Variants in TRIM50 observed in about 807,000 individuals in gnomAD.
The protein encoded by TRIM50 is tripartite motif containing 50.
A neutral mutation model predicts 44.9 loss-of-function variants in TRIM50; 34 were observed. That is an observed-to-expected ratio of 0.76 (90% CI 0.58 to 1.01). The LOEUF is 1.01. Among genes scored for constraint, TRIM50 ranks in the 50% least tolerant of loss-of-function variants. The probability of loss-of-function intolerance (pLI) is 0.00; values close to 1 mark genes in which losing one functional copy is unlikely to be tolerated. For synonymous variants in TRIM50, 307 were observed against 291.1 expected, an observed-to-expected ratio of 1.05 and a Z score of -0.56; for missense variants, 633 against 663.7, an observed-to-expected ratio of 0.95 and a Z score of 0.51.
rs6980258 is a variant in TRIM50 at position 73,324,764 on chromosome 7, T to C, written c.24A>G (p.Pro8=). Reference sequence around the variant, plus strand: ...GACACTGAAGCCGGTCCTCCAGCTCTGGCAGGCTCACCTGCCAAGCCATCC... The same window carrying C: ...GACACTGAAGCCGGTCCTCCAGCTCCGGCAGGCTCACCTGCCAAGCCATCC... MAWQVSL[P]ELEDRLQCPI... Residue 8 remains proline, a synonymous_variant, in exon 2 of 7, where the codon CCA becomes CCG. Transcript: ENST00000333149. The C allele has an allele frequency of 1.1e-4, 175 of 1,613,988 alleles. 1 individual carries two copies. In the African/African-American group the frequency reaches 1.6e-3, roughly 15 times the overall value.
At chr7:73,319,293 T>C (rs1583780323) in intron 3 of TRIM50, among the ~76,000 whole-genome samples, 1 of 151,862 alleles carries the variant, frequency 6.6e-6, no homozygotes, top group South Asian at 2.1e-4. Flanking sequence ...TTTTGGCCTG[T>C]TTTAATTTTT....
intron 1 of TRIM50, chr7:73,325,328 G>A (rs1396197082): frequency 6.2e-6 from 1 of 161,224 alleles, no homozygotes; most frequent in Non-Finnish European, 1.4e-5. Flanking sequence ...ACTTATAGGT[G>A]ACACTCCCAG....
chr7:73,325,220 T>C (rs191169139), intron 1 of TRIM50, among the ~76,000 whole-genome samples: 1 of 152,220 alleles, frequency 6.6e-6, no homozygotes, highest in African/African-American at 2.4e-5. Context: ...TCCCAAACTT[T>C]CGGGAAACTG....
chr7:73,321,231 T>C (rs2115756452), intron 2 of TRIM50, among the ~76,000 whole-genome samples: 1 of 152,216 alleles, frequency 6.6e-6, no homozygotes, highest in Non-Finnish European at 1.5e-5. Context: ...AGGGTCTCAA[T>C]GTCACCCCTC....
chr7:73,321,717 C>T (rs1804501110), intron 2 of TRIM50, among the ~76,000 whole-genome samples: 1 of 152,206 alleles, frequency 6.6e-6, no homozygotes, highest in Non-Finnish European at 1.5e-5. Context: ...CGTGCCCAAG[C>T]ACCAGAGAGC....
rs1227188074 is a variant in TRIM50, at chr7:73,313,710, A to AT, written c.875-201_875-200insA. On this transcript the variant is annotated intron_variant, in intron 6 of 6. Transcript: ENST00000333149. This position sits in a 1 kb window ranked among gnomAD's most constrained non-coding sequence, Gnocchi z 4.9. The stretch of plus-strand genomic sequence containing the variant: ...AATGAATGAATGAATGAATGAATGA[A>AT]GTTTTACATAAGGAAGATCAATCAC... Among the ~76,000 whole-genome samples, 1 of 151,958 alleles carries AT rather than the reference A, an allele frequency of 6.6e-6. No individual in the cohort carries two copies. Among genetic ancestry groups the AT allele is most frequent in the African/African-American group, 2.4e-5 (1 of 41,330 alleles).
At position 73,328,073 on chromosome 7, in the gene TRIM50, A is replaced by G; in HGVS notation, c.-192T>C. The G allele has an allele frequency of 1.1e-6, 1 of 941,760 alleles. No individual in the cohort carries two copies. Among genetic ancestry groups the G allele is most frequent in the South Asian group, 1.5e-5 (1 of 65,344 alleles). The allele number at this position is 941,760 out of a possible 1,614,324, so 58.3% of individuals were successfully genotyped here. On this transcript the variant is annotated 5_prime_UTR_variant, in exon 1 of 7. The change abolishes an upstream ATG in the 5' untranslated region. Transcript: ENST00000333149. ...CGCCTCGCGCTACCGCGCGTGCCCCATCATGCTCTGCGCGCTCCCATTACG... is the reference window on the plus strand; with the variant it reads ...CGCCTCGCGCTACCGCGCGTGCCCCGTCATGCTCTGCGCGCTCCCATTACG...
rs568979952 is a variant in TRIM50, at chr7:73,315,219, G to A, written c.874+1346C>T. 37 of 191,016 alleles carry A rather than the reference G, an allele frequency of 1.9e-4. No individual in the cohort carries two copies. In the East Asian group the frequency reaches 4.0e-3, roughly 21 times the overall value. 11.8% of individuals were successfully genotyped at this position (191,016 alleles called of 1,614,324 possible). ...AAACTACCACTAAACTGGGTAAAAC[G>A]TACACTGTTGAGTTTTCTGTACATG... is the stretch of plus-strand genomic sequence containing the variant. On this transcript the variant is annotated intron_variant, in intron 6 of 6. Coordinates refer to ENST00000333149, the MANE Select transcript of TRIM50 (RefSeq NM_178125.3).
At chr7:73,321,854 A>G (rs1339484602) in intron 2 of TRIM50, 2 of 152,174 alleles carry the variant, frequency 1.3e-5, no homozygotes, top group Admixed American at 6.6e-5. Flanking sequence ...CGACATTCCA[A>G]TGTCACTCTC....
chr7:73,315,021 C>T (rs1297725780), intron 6 of TRIM50: 14 of 360,018 alleles, frequency 3.9e-5, no homozygotes, highest in Admixed American at 6.9e-5. Flanking sequence ...GCACCACTGT[C>T]GCCTTCACAC....
In TRIM50 at chr7:73,313,546, G is replaced by T. The variant is rs1384290359; in HGVS notation, c.875-36C>A. 4.8e-6 allele frequency: 7 copies of T among 1,447,504 alleles called. No homozygotes were observed. Among genetic ancestry groups the T allele is most frequent in the African/African-American group, 2.8e-5 (2 of 70,424 alleles). 89.7% of individuals were successfully genotyped at this position (1,447,504 alleles called of 1,614,324 possible). ...GATCACAGAGGGTCTGTGAGGCCAC[G>T]TGGAGGGCAGCAGACCCGGCCCACA... On this transcript the variant is annotated intron_variant, in intron 6 of 6. Transcript: ENST00000333149. The surrounding 1 kb of genome is among the most constrained non-coding windows in gnomAD (Gnocchi z 4.9).
At position 73,313,581 on chromosome 7, in the gene TRIM50, G is replaced by C; in HGVS notation, c.875-71C>G. On this transcript the variant is annotated intron_variant, in intron 6 of 6. Coordinates refer to ENST00000333149, the MANE Select transcript of TRIM50 (RefSeq NM_178125.3). This position sits in a 1 kb window ranked among gnomAD's most constrained non-coding sequence, Gnocchi z 4.9. ...GCAGACCCGGCCCACAGAAGCTGATGGAGGCCCTGAACTCCCCAAGGAGAG... is the reference window on the plus strand; with the variant it reads ...GCAGACCCGGCCCACAGAAGCTGATCGAGGCCCTGAACTCCCCAAGGAGAG... 7.5e-7 allele frequency: 1 copy of C among 1,328,294 alleles called. No homozygotes were observed. The highest frequency in any genetic ancestry group is 1.0e-6 in the Non-Finnish European group (1 of 999,292). 82.3% of individuals were successfully genotyped at this position (1,328,294 alleles called of 1,614,324 possible).
chr7:73,313,286 T>C lies in TRIM50; in HGVS notation c.1099A>G (p.Lys367Glu). The C allele has an allele frequency of 6.2e-7, 1 of 1,605,276 alleles. No homozygotes were observed. The highest frequency in any genetic ancestry group is 1.1e-5 in the South Asian group (1 of 89,476). Residue 367 changes from lysine to glutamate, a missense_variant, in exon 7 of 7, where the codon AAG (lysine) becomes GAG (glutamate). Transcript: ENST00000333149. The surrounding 1 kb of genome is among the most constrained non-coding windows in gnomAD (Gnocchi z 4.9). ...SKSDWRLGVI[K>E]GTASRKGKLN... ...TTGCCCTTACGGCTGGCTGTGCCCT[T>C]GATGACCCCCAGGCGCCAGTCGCTC...
At chr7:73,315,982 G>A (rs1388911261) in intron 6 of TRIM50, among the ~76,000 whole-genome samples, 1 of 151,552 alleles carries the variant, frequency 6.6e-6, no homozygotes, top group Non-Finnish European at 1.5e-5. Context: ...CCTGGTTCAA[G>A]TGATTCTCCT....
chr7:73,324,173 C>A (rs532814288), intron 2 of TRIM50, among the ~76,000 whole-genome samples: 26 of 152,270 alleles, frequency 1.7e-4, no homozygotes, highest in African/African-American at 6.0e-4. Flanking sequence ...GGGGTGAGCA[C>A]GTGACACCAG....
chr7:73,324,677 C>A lies in TRIM50; in HGVS notation c.111G>T (p.Lys37Asn), dbSNP rs200199950. ...LMLQCGHSYC[K>N]GCLVSLSCHL... ...GGCAGGACAGGGAAACCAGGCAGCC[C>A]TTGCAGTAAGAGTGGCCACACTGCA... Residue 37 changes from lysine to asparagine, a missense_variant, in exon 2 of 7, where the codon AAG becomes AAT. By Grantham distance (94) the Lys-to-Asn change is moderately conservative. Coordinates refer to ENST00000333149, the MANE Select transcript of TRIM50 (RefSeq NM_178125.3). 63 of 1,614,224 alleles carry A rather than the reference C, an allele frequency of 3.9e-5. No individual in the cohort carries two copies. The East Asian group carries it at 8.0e-4, about 21-fold the overall frequency.
intron 3 of TRIM50, 40 bp from the exon 4 acceptor site, chr7:73,319,092 A>C (rs1438926289): frequency 3.1e-6 from 5 of 1,613,716 alleles, no homozygotes; most frequent in Non-Finnish European, 3.4e-6. Context: ...GTCACAGCCG[A>C]GCTGCCAGGC....
intron 2 of TRIM50, among the ~76,000 whole-genome samples, chr7:73,323,190 C>T (rs1436563709): frequency 6.6e-6 from 1 of 152,218 alleles, no homozygotes; most frequent in Non-Finnish European, 1.5e-5. Flanking sequence ...TCATCACTGG[C>T]TTAAAACCCT....
At chr7:73,327,818 G>GC (rs1804675212) in intron 1 of TRIM50, 82 bp downstream of exon 1, 1 of 281,082 alleles carries the variant, frequency 3.6e-6, no homozygotes, top group African/African-American at 2.2e-5. Context: ...CCCACTGTGC[G>GC]CCCCACCTCG....
Sources: gnomAD v4.1 joint callset for allele counts (sites outside exome capture counted in the v4.1 genomes callset) on GRCh38, gnomAD v4.1.1 for gene constraint, Gnocchi (gnomAD v3.1) non-coding constraint, MANE v1.5 for transcripts, NCBI Gene and HGNC (gene_info 2026-07-23, HGNC 2026-07-21) for gene names.